TPSG1: variants seen among roughly 807,000 people sequenced by gnomAD.
TPSG1 encodes the protein tryptase gamma.
TPSG1 carries 43 observed loss-of-function variants against 23.8 expected under a neutral mutation model. That is an observed-to-expected ratio of 1.81 (90% confidence interval 1.42 to 2.33). TPSG1 has a LOEUF of 2.33. Ranked by LOEUF, TPSG1 falls within the 30% of genes most tolerant of loss-of-function variation. The pLI, the probability that TPSG1 is intolerant of heterozygous loss-of-function variation, is 0.00. For synonymous variants in TPSG1, 302 were observed against 201.3 expected (o/e 1.50, Z -4.23); for missense variants, 623 against 438.6 (o/e 1.42, Z -3.75).
Position 1,222,265 on chromosome 16 carries a change from A to T in TPSG1, c.588T>A (p.Tyr196Ter), listed in dbSNP as rs778772297. The T allele has an allele frequency of 9.9e-6, 16 of 1,611,668 alleles. No homozygotes were observed. In the South Asian group the frequency reaches 1.3e-4, roughly 13 times the overall value. The stretch of plus-strand genomic sequence containing the variant: ...GAAGGATGCTGCCCCCGGGGCCGGG[A>T]TAGTCCCGGCGGCAGGTCTCTGTGT... The part of the protein sequence containing the change: ...VVDTETCRRD[Y>*]PGPGGSILQP... The change falls in exon 5 of 6, where the codon TAT (tyrosine) becomes TAA (stop). Residue 196 changes from tyrosine (Y) to a stop codon, truncating the protein, a stop_gained. Coordinates refer to ENST00000234798, the MANE Select transcript of TPSG1 (RefSeq NM_012467.4). LOFTEE classifies it high-confidence loss of function.
chr16:1,223,734 C>T lies in TPSG1; in HGVS notation c.74-140G>A, dbSNP rs1328830137. ...GCTCTCTCGTCTGCCAGACTCTCCC[C>T]AGAAGCATCGTGGGTGCAGCAGAAA... On this transcript the variant is annotated intron_variant, in intron 2 of 5. Coordinates refer to ENST00000234798, the MANE Select transcript of TPSG1 (RefSeq NM_012467.4). The T allele has an allele frequency of 3.8e-6, 4 of 1,040,620 alleles. No individual in the cohort carries two copies. In the African/African-American group the frequency reaches 5.0e-5, roughly 13 times the overall value. The allele number at this position is 1,040,620 out of a possible 1,614,324, so 64.5% of individuals were successfully genotyped here.
At chr16:1,224,470 A>G in intron 2 of TPSG1, 132 bp downstream of exon 2, 1 of 1,209,290 alleles carries the variant, frequency 8.3e-7, no homozygotes, top group South Asian at 1.4e-5. Context: ...AGATGCGAGC[A>G]GAAACCACGG....
Position 1,222,579 on chromosome 16 carries a change from C to T in TPSG1, c.511+73G>A, listed in dbSNP as rs990792952. The T allele has an allele frequency of 6.6e-6, 10 of 1,504,356 alleles. No individual in the cohort carries two copies. In the East Asian group the frequency reaches 1.1e-4, roughly 17 times the overall value. The allele number at this position is 1,504,356 out of a possible 1,614,324, so 93.2% of individuals were successfully genotyped here. ...CACCAGGAGCAGGTGGTAGCATCAG[C>T]ATCCCTCAAGCCAGCTCTCTTCCTG... On this transcript the variant is annotated intron_variant, in intron 4 of 5. Coordinates refer to ENST00000234798, the MANE Select transcript of TPSG1 (RefSeq NM_012467.4).
chr16:1,223,338 C>A, intron 3 of TPSG1, 85 bp downstream of exon 3: 1 of 1,436,630 alleles, frequency 7.0e-7, no homozygotes, highest in South Asian at 1.4e-5. Flanking sequence ...CGGAGTGAGT[C>A]AAGACCAAGT....
Position 1,222,011 on chromosome 16 carries a change from C to A in TPSG1, c.743G>T (p.Arg248Leu). ...GTVSWGEGCG[R>L]PNRPGVYTRV... ...AGTGTAGACTCCCGGCCTGTTGGGG[C>A]GGCCGCAGCCCTCACCCCAGCTCAC... is the stretch of plus-strand genomic sequence containing the variant. The change falls in exon 6 of 6, where the codon CGC becomes CTC. Residue 248 changes from arginine to leucine, a missense_variant. Arg to Leu is a moderately radical substitution (Grantham distance 102). Transcript: ENST00000234798. The A allele has an allele frequency of 6.2e-7, 1 of 1,612,454 alleles. No homozygotes were observed. Among genetic ancestry groups the A allele is most frequent in the Non-Finnish European group, 8.5e-7 (1 of 1,179,878 alleles).
At position 1,223,433 on chromosome 16, in the gene TPSG1, A is replaced by C. The variant is rs1255961753; in HGVS notation, c.235T>G (p.Cys79Gly). Residue 79 changes from cysteine to glycine, a missense_variant, in exon 3 of 6, where the codon TGC becomes GGC. Transcript: ENST00000234798. ...SPQWVLTAAH[C>G]FSGSLNSSDY... ...CACCCGGACACTCACCCGGAGAAGCAGTGGGCAGCTGTGAGCACCCACTGG... is the reference window on the plus strand; with the variant it reads ...CACCCGGACACTCACCCGGAGAAGCCGTGGGCAGCTGTGAGCACCCACTGG... 2.5e-6 allele frequency: 4 copies of C among 1,585,948 alleles called. No individual in the cohort carries two copies. In the African/African-American group the frequency reaches 5.4e-5, roughly 21 times the overall value.
chr16:1,225,229 G>C lies in TPSG1; in HGVS notation c.24C>G (p.Leu8=), dbSNP rs746809375. The C allele has an allele frequency of 1.9e-6, 3 of 1,578,684 alleles. No individual in the cohort carries two copies. The highest frequency in any genetic ancestry group is 2.6e-6 in the Non-Finnish European group (3 of 1,162,482). ...CACCGGGCACAGCCAGGAGCAGCAG[G>C]AGGCCACAGGCCCCAAGGGCCATGG... The part of the protein sequence containing the change: MALGACG[L]LLLLAVPGVS... The change falls in exon 1 of 6, where the codon CTC becomes CTG. Residue 8 remains leucine, a synonymous_variant. Coordinates refer to ENST00000234798, the MANE Select transcript of TPSG1 (RefSeq NM_012467.4).
chr16:1,223,028 C>T (rs1351379542), intron 3 of TPSG1, 111 bp from the exon 4 acceptor site: 4 of 1,336,276 alleles, frequency 3.0e-6, no homozygotes, highest in East Asian at 2.6e-5. Context: ...CTCTTCCCTC[C>T]TAGGCTTGGG....
At position 1,223,586 on chromosome 16, in the gene TPSG1, G is replaced by A. The variant is rs112572536; in HGVS notation, c.82C>T (p.Arg28Trp). 2,513 of 1,541,126 alleles carry A rather than the reference G, an allele frequency of 1.6e-3. 22 individuals are homozygous for A. In the African/African-American group the frequency reaches 0.023, roughly 14 times the overall value. The change falls in exon 3 of 6, where the codon CGG becomes TGG. Residue 28 changes from arginine (R) to tryptophan (W), a missense_variant. Physicochemically the swap from Arg to Trp is moderately radical, Grantham distance 101. Coordinates refer to ENST00000234798, the MANE Select transcript of TPSG1 (RefSeq NM_012467.4). Reference sequence around the variant, plus strand: ...CCGCCTGCATCCGAAACCTGCGGCCGGCCACACCCTAAGTCGAAGGAGGAA... The same window carrying A: ...CCGCCTGCATCCGAAACCTGCGGCCAGCCACACCCTAAGTCGAAGGAGGAA... Reference protein sequence around the residue: ...SLRTLQPGCGRPQVSDAGGRI... With the variant: ...SLRTLQPGCGWPQVSDAGGRI...
intron 2 of TPSG1, among the ~76,000 whole-genome samples, chr16:1,224,396 T>C (rs1395316278): frequency 6.6e-6 from 1 of 152,074 alleles, no homozygotes; most frequent in Non-Finnish European, 1.5e-5. Context: ...AGGTACAGAC[T>C]GACTACAGTG....
At position 1,222,818 on chromosome 16, in the gene TPSG1, G is replaced by C; in HGVS notation, c.345C>G (p.Ser115Arg). 6.2e-7 allele frequency: 1 copy of C among 1,612,024 alleles called. No homozygotes were observed. The highest frequency in any genetic ancestry group is 8.5e-7 in the Non-Finnish European group (1 of 1,179,724). Residue 115 changes from serine to arginine, a missense_variant, in exon 4 of 6, where the codon AGC becomes AGG. Physicochemically the swap from Ser to Arg is moderately radical, Grantham distance 110. Transcript: ENST00000234798. ...STVRQIILHS[S>R]PSGQPGTSGD... is the part of the protein sequence containing the mutation. The stretch of plus-strand genomic sequence containing the variant: ...CGCTGGTCCCCGGCTGTCCTGAGGG[G>C]CTGGAGTGCAGGATGATCTGCCTCA...
chr16:1,222,341 T>C lies in TPSG1; in HGVS notation c.512A>G (p.Glu171Gly). The change falls in exon 5 of 6, where the codon GAG (glutamate) becomes GGG (glycine). Residue 171 changes from glutamate (E) to glycine (G), a missense_variant and splice_region_variant. Physicochemically the swap from Glu to Gly is moderately conservative, Grantham distance 98 (BLOSUM62 -2). Transcript: ENST00000234798. ...CAGGCTGTACGGGGGTGGCAGAGGCTCTGGGGTGGGGGGAACAGGCTTCAG... is the reference window on the plus strand; with the variant it reads ...CAGGCTGTACGGGGGTGGCAGAGGCCCTGGGGTGGGGGGAACAGGCTTCAG... ...VTGWGYTREGEPLPPPYSLRE... is the reference protein window; with the variant it reads ...VTGWGYTREGGPLPPPYSLRE... 1 of 1,588,170 alleles carries C rather than the reference T, an allele frequency of 6.3e-7. No individual in the cohort carries two copies. Among genetic ancestry groups the C allele is most frequent in the Non-Finnish European group, 8.6e-7 (1 of 1,165,398 alleles).
At position 1,222,668 on chromosome 16, in the gene TPSG1, G is replaced by T. The variant is rs1348069220; in HGVS notation, c.495C>A (p.Gly165=). The T allele has an allele frequency of 1.1e-5, 18 of 1,570,460 alleles. No individual in the cohort carries two copies. The Admixed American group carries it at 1.6e-4, about 14-fold the overall frequency. ...GCTCCTCACCTCCCTCCCGCGTATA[G>T]CCCCAGCCGGTCACCCAGCACCGGA... ...PGIRCWVTGW[G]YTREGEPLPP... Residue 165 remains glycine (G), a synonymous_variant, in exon 4 of 6, where the codon GGC becomes GGA. Coordinates refer to ENST00000234798, the MANE Select transcript of TPSG1 (RefSeq NM_012467.4).
At chr16:1,223,709 G>A in intron 2 of TPSG1, 115 bp from the exon 3 acceptor site, 1 of 1,271,508 alleles carries the variant, frequency 7.9e-7, no homozygotes, top group Non-Finnish European at 1.1e-6. Context: ...TTGCTCTTCA[G>A]CTCTCTCGTC....
chr16:1,222,193 C>A lies in TPSG1; in HGVS notation c.657+3G>T, dbSNP rs760405590. 2 of 1,611,196 alleles carry A rather than the reference C, an allele frequency of 1.2e-6. No individual in the cohort carries two copies. The highest frequency in any genetic ancestry group is 2.7e-5 in the African/African-American group (2 of 74,898). ...ATCCTCTGTCACGGCCTGGCAGGCTCACCTGGCAGGCATCCCCGGGGCCCC... is the reference window on the plus strand; with the variant it reads ...ATCCTCTGTCACGGCCTGGCAGGCTAACCTGGCAGGCATCCCCGGGGCCCC... On this transcript the variant is annotated splice_donor_region_variant and intron_variant, in intron 5 of 5. Transcript: ENST00000234798.
chr16:1,222,060 C>A lies in TPSG1; in HGVS notation c.694G>T (p.Gly232Cys). The change falls in exon 6 of 6, where the codon GGT becomes TGT. Residue 232 changes from glycine to cysteine, a missense_variant. Physicochemically the swap from Gly to Cys is radical, Grantham distance 159 (BLOSUM62 -3). Transcript: ENST00000234798. Reference protein sequence around the residue: ...SGGPLVCQVNGAWVQAGTVSW... With the variant: ...SGGPLVCQVNCAWVQAGTVSW... ...ACAGTGCCAGCCTGCACCCAGGCACCGTTCACCTGGCAGACCAGAGGCCCC... is the reference window on the plus strand; with the variant it reads ...ACAGTGCCAGCCTGCACCCAGGCACAGTTCACCTGGCAGACCAGAGGCCCC... 1 of 1,612,796 alleles carries A rather than the reference C, an allele frequency of 6.2e-7. No individual in the cohort carries two copies. Among genetic ancestry groups the A allele is most frequent in the Non-Finnish European group, 8.5e-7 (1 of 1,179,996 alleles).
rs917315033 is a variant in TPSG1, at chr16:1,223,601, C to G, written c.74-7G>C. 4 of 1,536,906 alleles carry G rather than the reference C, an allele frequency of 2.6e-6. No individual in the cohort carries two copies. The highest frequency in any genetic ancestry group is 4.1e-5 in the Admixed American group (2 of 48,900). ...ACCTGCGGCCGGCCACACCCTAAGT[C>G]GAAGGAGGAAGGGGTGCCTGGTGGG... On this transcript the variant is annotated splice_polypyrimidine_tract_variant and splice_region_variant and intron_variant, in intron 2 of 5. Coordinates refer to ENST00000234798, the MANE Select transcript of TPSG1 (RefSeq NM_012467.4).
rs186877652 is a variant in TPSG1 at position 1,221,990 on chromosome 16, T to C, written c.764A>G (p.Tyr255Cys). 1.9e-6 allele frequency: 3 copies of C among 1,612,584 alleles called. No homozygotes were observed. Among genetic ancestry groups the C allele is most frequent in the Non-Finnish European group, 2.5e-6 (3 of 1,179,904 alleles). Residue 255 changes from tyrosine (Y) to cysteine (C), a missense_variant, in exon 6 of 6, where the codon TAC (tyrosine) becomes TGC (cysteine). Physicochemically the swap from Tyr to Cys is radical, Grantham distance 194. Coordinates refer to ENST00000234798, the MANE Select transcript of TPSG1 (RefSeq NM_012467.4). ...GCGRPNRPGV[Y>C]TRVPAYVNWI... ...GTTCACGTAGGCAGGGACACGAGTG[T>C]AGACTCCCGGCCTGTTGGGGCGGCC...
intron 2 of TPSG1, 192 bp from the exon 3 acceptor site, chr16:1,223,786 C>CT (rs1555522345): frequency 2.7e-5 from 17 of 640,178 alleles, no homozygotes; most frequent in Non-Finnish European, 3.6e-5. Flanking sequence ...GTGAGCGCGC[C>CT]TGGGGCTCAG....
Sources: allele counts gnomAD v4.1 joint callset (sites outside exome capture counted in the v4.1 genomes callset), GRCh38; gene constraint gnomAD v4.1.1; transcripts MANE v1.5; gene names NCBI Gene and HGNC (gene_info 2026-07-23, HGNC 2026-07-21).